The following NES variants were observed in gnomAD, a reference collection of about 807,000 sequenced individuals.
The protein encoded by NES is nestin.
A neutral mutation model predicts 35.6 loss-of-function variants in NES; 27 were observed. That is an observed-to-expected ratio of 0.76 (90% CI 0.56 to 1.04). NES has a LOEUF of 1.04. Among genes scored for constraint, NES ranks in the 50% least tolerant of loss-of-function variants. The pLI, the probability that NES is intolerant of heterozygous loss-of-function variation, is 0.00. For synonymous variants in NES, 822 were observed against 824.2 expected, an observed-to-expected ratio of 1.00 and a Z score of 0.04; for missense variants, 1,867 against 1,983.6, an observed-to-expected ratio of 0.94 and a Z score of 1.12.
Position 156,672,935 on chromosome 1 carries a change from T to C in NES, c.1253A>G (p.Gln418Arg). ...QDAPLSLLQTQGGRKQAPEPL... is the reference protein window; with the variant it reads ...QDAPLSLLQTRGGRKQAPEPL... ...CTCTGGAGCCTGTTTCCTCCCACCC[T>C]GTGTCTGGAGCAGAGAGAGAGGAGC... The change falls in exon 4 of 4, where the codon CAG becomes CGG. Residue 418 changes from glutamine (Q) to arginine (R), a missense_variant. Physicochemically the swap from Gln to Arg is conservative, Grantham distance 43 (BLOSUM62 1). Transcript: ENST00000368223. The C allele has an allele frequency of 6.2e-7, 1 of 1,614,026 alleles. No individual in the cohort carries two copies. Among genetic ancestry groups the C allele is most frequent in the Non-Finnish European group, 8.5e-7 (1 of 1,180,024 alleles).
Position 156,676,787 on chromosome 1 carries a change from G to C in NES, c.478C>G (p.Arg160Gly), listed in dbSNP as rs1175945391. Reference sequence around the variant, plus strand: ...GGCCCGCGGGGCGGCGCGGGGCAGCGGGGGGCACAGGCAGCCTGCGCGTTC... The same window carrying C: ...GGCCCGCGGGGCGGCGCGGGGCAGCCGGGGGCACAGGCAGCCTGCGCGTTC... ...GLNAQAACAP[R>G]CPAPPRGPPA... The change falls in exon 1 of 4, where the codon CGC becomes GGC. Residue 160 changes from arginine to glycine, a missense_variant. Arg to Gly is a moderately radical substitution (Grantham distance 125, BLOSUM62 -2). Transcript: ENST00000368223. This position sits in a 1 kb window ranked among gnomAD's most constrained non-coding sequence, Gnocchi z 5.3. The C allele has an allele frequency of 5.0e-6, 7 of 1,389,994 alleles. No individual in the cohort carries two copies. Among genetic ancestry groups the C allele is most frequent in the South Asian group, 5.0e-5 (3 of 60,502 alleles). The allele number at this position is 1,389,994 out of a possible 1,614,324, so 86.1% of individuals were successfully genotyped here.
Position 156,669,169 on chromosome 1 carries a change from CT to C in NES, c.*152del, listed in dbSNP as rs1257909290. 1 of 534,448 alleles carries C rather than the reference CT, an allele frequency of 1.9e-6. No individual in the cohort carries two copies. The highest frequency in any genetic ancestry group is 1.9e-5 in the African/African-American group (1 of 53,112). The allele number at this position is 534,448 out of a possible 1,614,324, so 33.1% of individuals were successfully genotyped here. A position where few individuals can be genotyped will look rare whatever the true frequency, so the allele number is the denominator to read the frequency against. On this transcript the variant is annotated 3_prime_UTR_variant, in exon 4 of 4. Transcript: ENST00000368223. ...TGGAGTAGGCTCCTTTGCCACACCC[CT>C]TTTCACCTTAGCGGGCCAGGCCTCT... is the stretch of plus-strand genomic sequence containing the variant.
Position 156,674,872 on chromosome 1 carries a change from T to A in NES, c.908+344A>T, listed in dbSNP as rs1049678789. 5.9e-5 allele frequency among the ~76,000 whole-genome samples: 9 copies of A among 152,210 alleles called. No homozygotes were observed. The South Asian group carries it at 1.9e-3, about 32-fold the overall frequency. The stretch of plus-strand genomic sequence containing the variant: ...CTGCCAAAGGACATGACCCCCTGGG[T>A]GCGGGCACACATAGAGTTGGAGCTT... On this transcript the variant is annotated intron_variant, in intron 2 of 3. Coordinates refer to ENST00000368223, the MANE Select transcript of NES (RefSeq NM_006617.2).
At chr1:156,673,809 A>G (rs1679787213) in intron 2 of NES, among the ~76,000 whole-genome samples, 1 of 150,338 alleles carries the variant, frequency 6.7e-6, no homozygotes, top group African/African-American at 2.4e-5. Context: ...TGCCCTACAC[A>G]CACCCACACA....
In NES at chr1:156,672,019, C is replaced by G. The variant is rs137988662; in HGVS notation, c.2169G>C (p.Lys723Asn). 6.2e-6 allele frequency: 10 copies of G among 1,613,750 alleles called. No individual in the cohort carries two copies. In the African/African-American group the frequency reaches 1.3e-4, roughly 22 times the overall value. Residue 723 changes from lysine to asparagine, a missense_variant, in exon 4 of 4, where the codon AAG becomes AAC. Coordinates refer to ENST00000368223, the MANE Select transcript of NES (RefSeq NM_006617.2). The stretch of plus-strand genomic sequence containing the variant: ...TACTCTGGTCCTCTTCTTCTAGAGT[C>G]TTCAGTGGCTCCTGGTTCTCTTTTT... ...SLEKENQEPLKTLEEEDQSIV... is the reference protein window; with the variant it reads ...SLEKENQEPLNTLEEEDQSIV...
chr1:156,674,712 G>A (rs1011119833), intron 2 of NES, among the ~76,000 whole-genome samples: 10 of 152,192 alleles, frequency 6.6e-5, no homozygotes, highest in African/African-American at 1.4e-4. Flanking sequence ...GAGGAGTCTC[G>A]CCCCATGACA....
At position 156,671,991 on chromosome 1, in the gene NES, C is replaced by T; in HGVS notation, c.2197G>A (p.Val733Met). The change falls in exon 4 of 4, where the codon GTG becomes ATG. Residue 733 changes from valine (V) to methionine (M), a missense_variant. Val to Met is a conservative substitution (Grantham distance 21). Coordinates refer to ENST00000368223, the MANE Select transcript of NES (RefSeq NM_006617.2). ...TGATTCTCTGTTTCTAGAGGTCTCACAATACTCTGGTCCTCTTCTTCTAGA... is the reference window on the plus strand; with the variant it reads ...TGATTCTCTGTTTCTAGAGGTCTCATAATACTCTGGTCCTCTTCTTCTAGA... ...KTLEEEDQSI[V>M]RPLETENHKS... The T allele has an allele frequency of 6.2e-7, 1 of 1,614,082 alleles. No homozygotes were observed. Among genetic ancestry groups the T allele is most frequent in the Non-Finnish European group, 8.5e-7 (1 of 1,180,016 alleles).
chr1:156,671,954 C>T lies in NES; in HGVS notation c.2234G>A (p.Arg745Lys), dbSNP rs140652000. The part of the protein sequence containing the change: ...PLETENHKSL[R>K]SLEEQDQETL... Reference sequence around the variant, plus strand: ...CTCTTGGTCCTGTTCTTCTAAAGACCTCAGTGATTTGTGATTCTCTGTTTC... The same window carrying T: ...CTCTTGGTCCTGTTCTTCTAAAGACTTCAGTGATTTGTGATTCTCTGTTTC... The change falls in exon 4 of 4, where the codon AGG becomes AAG. Residue 745 changes from arginine (R) to lysine (K), a missense_variant. Coordinates refer to ENST00000368223, the MANE Select transcript of NES (RefSeq NM_006617.2). The T allele has an allele frequency of 5.0e-6, 8 of 1,614,062 alleles. No homozygotes were observed. The African/African-American group carries it at 6.7e-5, about 13-fold the overall frequency.
In NES at chr1:156,673,198, C is replaced by G. The variant is rs773891476; in HGVS notation, c.990G>C (p.Lys330Asn). The change falls in exon 4 of 4, where the codon AAG (lysine) becomes AAC (asparagine). Residue 330 changes from lysine to asparagine, a missense_variant. By Grantham distance (94) the Lys-to-Asn change is moderately conservative. Coordinates refer to ENST00000368223, the MANE Select transcript of NES (RefSeq NM_006617.2). ...SKTSLSFQDPKLELQFPRTPE... is the reference protein window; with the variant it reads ...SKTSLSFQDPNLELQFPRTPE... Reference sequence around the variant, plus strand: ...GGGTCCTAGGGAATTGCAGCTCCAGCTTGGGGTCTGGAAAGGCAGAGGGGG... The same window carrying G: ...GGGTCCTAGGGAATTGCAGCTCCAGGTTGGGGTCTGGAAAGGCAGAGGGGG... The G allele has an allele frequency of 1.3e-6, 2 of 1,514,894 alleles. No individual in the cohort carries two copies. Among genetic ancestry groups the G allele is most frequent in the Non-Finnish European group, 1.8e-6 (2 of 1,131,618 alleles). 93.8% of individuals were successfully genotyped at this position (1,514,894 alleles called of 1,614,324 possible).
rs1647333708 is a variant in NES at position 156,677,218 on chromosome 1, T to C, written c.47A>G (p.Asn16Ser). The C allele has an allele frequency of 2.5e-6, 4 of 1,612,514 alleles. No homozygotes were observed. The highest frequency in any genetic ancestry group is 1.7e-5 in the Admixed American group (1 of 59,986). ...GEESFQMWEL[N>S]RRLEAYLARV... ...GGCCAGGTAGGCCTCCAGGCGCCGA[T>C]TGAGCTCCCACATCTGAAACGACTC... The change falls in exon 1 of 4, where the codon AAT becomes AGT. Residue 16 changes from asparagine (N) to serine (S), a missense_variant. Physicochemically the swap from Asn to Ser is conservative, Grantham distance 46 (BLOSUM62 1). Transcript: ENST00000368223. The surrounding 1 kb of genome is among the most constrained non-coding windows in gnomAD (Gnocchi z 4.5).
Position 156,671,762 on chromosome 1 carries a change from G to C in NES, c.2426C>G (p.Ser809Ter). 1 of 1,614,046 alleles carries C rather than the reference G, an allele frequency of 6.2e-7. No individual in the cohort carries two copies. The highest frequency in any genetic ancestry group is 1.3e-5 in the African/African-American group (1 of 75,056). The change falls in exon 4 of 4, where the codon TCA becomes TGA. Residue 809 changes from serine (S) to a stop codon, truncating the protein, a stop_gained. Transcript: ENST00000368223. LOFTEE classifies it low-confidence loss of function (END_TRUNC). ...TGCCTCTACGCTCTCTTCTTTGAGT[G>C]ACTTTAAGAACTCTTGATTCTCATT... ...LENENQEFLK[S>*]LKEESVEAVK...
chr1:156,669,212 G>T lies in NES; in HGVS notation c.*110C>A. 1 of 730,558 alleles carries T rather than the reference G, an allele frequency of 1.4e-6. No homozygotes were observed. Among genetic ancestry groups the T allele is most frequent in the Non-Finnish European group, 2.1e-6 (1 of 467,676 alleles). The allele number at this position is 730,558 out of a possible 1,614,324, so 45.3% of individuals were successfully genotyped here. ...CAGGCCTCTCAGCCAGAAACCATAT[G>T]TCAAGAGATCGTAAGTTAAGAGTGC... On this transcript the variant is annotated 3_prime_UTR_variant, in exon 4 of 4. Transcript: ENST00000368223.
chr1:156,675,682 G>T (rs1205058898), intron 1 of NES, among the ~76,000 whole-genome samples: 2 of 152,110 alleles, frequency 1.3e-5, no homozygotes, highest in Non-Finnish European at 2.9e-5. Flanking sequence ...AGAGAGAAGA[G>T]GGGGAAAAAA....
At position 156,669,692 on chromosome 1, in the gene NES, T is replaced by C; in HGVS notation, c.4496A>G (p.Glu1499Gly). ...SQDSAEPSGSEEESDPVSLER... is the reference protein window; with the variant it reads ...SQDSAEPSGSGEESDPVSLER... ...CAAGGAAACAGGGTCAGACTCTTCC[T>C]CTGAGCCAGAAGGCTCAGCACTGTC... The change falls in exon 4 of 4, where the codon GAG becomes GGG. Residue 1499 changes from glutamate (E) to glycine (G), a missense_variant. Glu to Gly is a moderately conservative substitution (Grantham distance 98). Transcript: ENST00000368223. The C allele has an allele frequency of 6.2e-7, 1 of 1,613,982 alleles. No homozygotes were observed. Among genetic ancestry groups the C allele is most frequent in the East Asian group, 2.2e-5 (1 of 44,870 alleles).
At chr1:156,674,976 T>C (rs1480362117) in intron 2 of NES, among the ~76,000 whole-genome samples, 1 of 152,168 alleles carries the variant, frequency 6.6e-6, no homozygotes, top group African/African-American at 2.4e-5. Flanking sequence ...CGCTCGGCAA[T>C]ATCATCTCTC....
In NES at chr1:156,670,060, T is replaced by C; in HGVS notation, c.4128A>G (p.Ala1376=). Residue 1376 remains alanine, a synonymous_variant, in exon 4 of 4, where the codon GCA becomes GCG. Coordinates refer to ENST00000368223, the MANE Select transcript of NES (RefSeq NM_006617.2). ...SEEFEDLGTE[A]PFLPGVPGEV... is the part of the protein sequence containing the mutation. ...CCCCAGGGACCCCAGGAAGAAAAGG[T>C]GCCTCAGTCCCCAGGTCCTCAAATT... 18 of 1,613,886 alleles carry C rather than the reference T, an allele frequency of 1.1e-5. No individual in the cohort carries two copies. The highest frequency in any genetic ancestry group is 1.5e-5 in the Non-Finnish European group (18 of 1,179,954).
chr1:156,676,897 C>T lies in NES; in HGVS notation c.368G>A (p.Arg123Gln), dbSNP rs749432023. The T allele has an allele frequency of 6.8e-5, 105 of 1,549,958 alleles. 1 individual carries two copies. The Admixed American group carries it at 1.8e-3, about 27-fold the overall frequency. The change falls in exon 1 of 4, where the codon CGG (arginine) becomes CAG (glutamine). Residue 123 changes from arginine to glutamine, a missense_variant. By Grantham distance (43) the Arg-to-Gln change is conservative. Transcript: ENST00000368223. This position sits in a 1 kb window ranked among gnomAD's most constrained non-coding sequence, Gnocchi z 5.3. ...RRAVEAEKCARAWLSSQVAEL... is the reference protein window; with the variant it reads ...RRAVEAEKCAQAWLSSQVAEL... The stretch of plus-strand genomic sequence containing the variant: ...TGCCACCTGGCTACTCAGCCAGGCC[C>T]GGGCGCATTTCTCTGCCTCGACGGC...
chr1:156,677,106 C>A lies in NES; in HGVS notation c.159G>T (p.Arg53=), dbSNP rs201808436. The change falls in exon 1 of 4, where the codon CGG becomes CGT. Residue 53 remains arginine (R), a synonymous_variant. Coordinates refer to ENST00000368223, the MANE Select transcript of NES (RefSeq NM_006617.2). This position sits in a 1 kb window ranked among gnomAD's most constrained non-coding sequence, Gnocchi z 4.5. ...CCGCCAGCTCGTCGTCGGCATGCGC[C>A]CGCCAGGAGGTGTCCGCGGATTGTG... ...LRAQSADTSW[R]AHADDELAAL... 1.7e-4 allele frequency: 267 copies of A among 1,605,058 alleles called. 2 individuals are homozygous for A. In the African/African-American group the frequency reaches 3.4e-3, roughly 20 times the overall value.
Position 156,669,643 on chromosome 1 carries a change from G to A in NES, c.4545C>T (p.Gly1515=), listed in dbSNP as rs1239134914. 4 of 1,613,950 alleles carry A rather than the reference G, an allele frequency of 2.5e-6. No homozygotes were observed. The African/African-American group carries it at 5.3e-5, about 22-fold the overall frequency. The change falls in exon 4 of 4, where the codon GGC becomes GGT. Residue 1515 remains glycine, a synonymous_variant. Transcript: ENST00000368223. ...VSLEREDKVP[G]PLEIPSGMED... is the part of the protein sequence containing the mutation. ...CCATCCCACTGGGGATCTCTAGAGGGCCAGGGACTTTGTCCTCCCTCTCCA... is the reference window on the plus strand; with the variant it reads ...CCATCCCACTGGGGATCTCTAGAGGACCAGGGACTTTGTCCTCCCTCTCCA...
Sources: gnomAD v4.1 joint callset for allele counts (sites outside exome capture counted in the v4.1 genomes callset) on GRCh38, gnomAD v4.1.1 for gene constraint, Gnocchi (gnomAD v3.1) non-coding constraint, MANE v1.5 for transcripts, NCBI Gene and HGNC (gene_info 2026-07-23, HGNC 2026-07-21) for gene names.